IL7: variants seen among roughly 807,000 people sequenced by gnomAD.
The protein encoded by IL7 is interleukin-7.
IL7 carries 3 observed loss-of-function variants against 21.6 expected under a neutral mutation model. The ratio of observed to expected loss-of-function variants is 0.14; its 90% confidence interval spans 0.06 to 0.36. IL7 has a LOEUF of 0.36. Ranked by LOEUF, IL7 falls within the 10% of genes least tolerant of loss-of-function variation. IL7 has a pLI of 1.00. For missense variants in IL7, 175 were observed against 200.2 expected (o/e 0.87, Z 0.76); for synonymous variants, 62 against 68.1 (o/e 0.91, Z 0.44).
intron 2 of IL7, among the ~76,000 whole-genome samples, chr8:78,756,449 G>A (rs940454523): frequency 1.3e-5 from 2 of 151,692 alleles, no homozygotes; most frequent in African/African-American, 4.8e-5. Flanking sequence ...TCTGGTCCTG[G>A]GCTTTTCTTT....
chr8:78,683,122 T>C (rs1220212703), intron 4 of IL7, among the ~76,000 whole-genome samples: 1 of 152,322 alleles, frequency 6.6e-6, no homozygotes, highest in Non-Finnish European at 1.5e-5. Context: ...GCATTGAGTG[T>C]CTGCAACTTT....
intron 2 of IL7, among the ~76,000 whole-genome samples, chr8:78,787,680 A>G (rs578131946): frequency 5.3e-5 from 8 of 152,216 alleles, no homozygotes; most frequent in African/African-American, 1.4e-4. Flanking sequence ...TTTCATAGAG[A>G]CTACCATATT....
chr8:78,797,213 C>G (rs1050995010), intron 2 of IL7, among the ~76,000 whole-genome samples: 1 of 151,848 alleles, frequency 6.6e-6, no homozygotes, highest in African/African-American at 2.4e-5. Context: ...GGCAAAACTA[C>G]AGAGACATAA....
At chr8:78,754,688 G>C (rs1402155697) in intron 2 of IL7, among the ~76,000 whole-genome samples, 1 of 152,010 alleles carries the variant, frequency 6.6e-6, no homozygotes, top group African/African-American at 2.4e-5. Flanking sequence ...TTGTTGTTTT[G>C]TTTTGCTGTT....
At chr8:78,717,966 C>T (rs1408611681) in exon 7 of IL7, 2 of 152,402 alleles carry the variant, frequency 1.3e-5, no homozygotes, top group African/African-American at 4.8e-5. Flanking sequence ...TTAAAGAGAA[C>T]AGTTTTAGTT....
At chr8:78,773,623 T>G (rs1246074587) in intron 2 of IL7, among the ~76,000 whole-genome samples, 1 of 152,142 alleles carries the variant, frequency 6.6e-6, no homozygotes, top group Non-Finnish European at 1.5e-5. Context: ...GAACAGATTT[T>G]CCTTCTCCAA....
At chr8:78,716,201 C>T (rs1811096212), downstream of IL7, among the ~76,000 whole-genome samples, 1 of 151,504 alleles carries the variant, frequency 6.6e-6, no homozygotes, top group Non-Finnish European at 1.5e-5. Flanking sequence ...CGGCTCACTG[C>T]AAGCTGTGCC....
rs187961342 is a variant in IL7, at chr8:78,719,180, T to C, written n.477-70A>G. 214 of 151,920 alleles carry C rather than the reference T, an allele frequency of 1.4e-3. 2 individuals carry two copies. The highest frequency in any genetic ancestry group is 4.9e-3 in the African/African-American group (202 of 41,558). The allele number at this position is 151,920 out of a possible 1,614,324, so 9.4% of individuals were successfully genotyped here. The stretch of plus-strand genomic sequence containing the variant: ...TAAATCACTTCTGTTATAAATCATA[T>C]AAAGAACTTTAAACTTGTTTTATCT... On this transcript the variant is annotated intron_variant and non_coding_transcript_variant, in intron 5 of 6. Transcript: ENST00000519833.
intron 4 of IL7, among the ~76,000 whole-genome samples, chr8:78,684,719 C>T (rs1039335119): frequency 1.3e-5 from 2 of 152,066 alleles, no homozygotes; most frequent in Admixed American, 6.6e-5. Context: ...AGCAAACAGG[C>T]TCTTGAGACA....
At chr8:78,738,268 A>T (rs1032780716) in intron 4 of IL7, among the ~76,000 whole-genome samples, 4 of 152,086 alleles carry the variant, frequency 2.6e-5, no homozygotes, top group African/African-American at 9.7e-5. Flanking sequence ...GGCAATGAAG[A>T]ATTTATTTAT....
intron 4 of IL7, among the ~76,000 whole-genome samples, chr8:78,737,349 T>C (rs973839378): frequency 6.6e-6 from 1 of 152,112 alleles, no homozygotes; most frequent in Non-Finnish European, 1.5e-5. Context: ...CATTAGACAG[T>C]ACTTTGAAAC....
intron 2 of IL7, among the ~76,000 whole-genome samples, chr8:78,767,015 T>A (rs1812775847): frequency 6.6e-6 from 1 of 152,140 alleles, no homozygotes; most frequent in African/African-American, 2.4e-5. Context: ...TACATTTGCA[T>A]TTTTGTAACT....
rs971233338 is a variant in IL7, at chr8:78,703,352, C to G, written n.215-17405G>C. On this transcript the variant is annotated intron_variant and non_coding_transcript_variant, in intron 3 of 4. Transcript: ENST00000523959. Reference sequence around the variant, plus strand: ...TTTGTTAATTATCTGTCTTGATAATCTGTCTAATATTGTCAGTGAGGTGTT... The same window carrying G: ...TTTGTTAATTATCTGTCTTGATAATGTGTCTAATATTGTCAGTGAGGTGTT... Among the ~76,000 whole-genome samples the G allele has an allele frequency of 5.3e-5, 8 of 152,114 alleles. No homozygotes were observed. The South Asian group carries it at 1.7e-3, about 32-fold the overall frequency.
intron 2 of IL7, among the ~76,000 whole-genome samples, chr8:78,762,652 A>AT (rs35466249): frequency 0.14 from 20,141 of 145,982 alleles, 1,427 homozygotes; most frequent in Middle Eastern, 0.25. Flanking sequence ...TTCCCAATGC[A>AT]TTTTTTTTTT....
intron 3 of IL7, among the ~76,000 whole-genome samples, chr8:78,739,703 CAAAGAAAG>C (rs1286977775): frequency 2.0e-5 from 3 of 147,364 alleles, no homozygotes; most frequent in Admixed American, 1.3e-4. Context: ...AAAAAAAAAA[CAAAGAAAG>C]AAAGAAAGAA....
At chr8:78,723,629 G>A (rs3739330) in intron 3 of IL7, among the ~76,000 whole-genome samples, 15,990 of 151,982 alleles carry the variant, frequency 0.11, 1,104 homozygotes, top group Admixed American at 0.15. Context: ...CAAAAATAGC[G>A]TCAGCCTTCT....
chr8:78,764,374 G>T (rs1586082443), intron 2 of IL7, among the ~76,000 whole-genome samples: 1 of 152,038 alleles, frequency 6.6e-6, no homozygotes, highest in South Asian at 2.1e-4. Context: ...TATACAGATT[G>T]GTAAGAACAA....
chr8:78,727,955 G>A (rs1811365316), downstream of IL7, among the ~76,000 whole-genome samples: 1 of 151,824 alleles, frequency 6.6e-6, no homozygotes, highest in South Asian at 2.1e-4. Flanking sequence ...ATACAAAAGT[G>A]AGTCATTCTT....
intron 2 of IL7, among the ~76,000 whole-genome samples, chr8:78,742,549 G>A (rs547238403): frequency 6.6e-6 from 1 of 152,052 alleles, no homozygotes; most frequent in South Asian, 2.1e-4. Flanking sequence ...AACTCTTATA[G>A]TAGAGGAAAA....
Sources: allele counts gnomAD v4.1 joint callset (sites outside exome capture counted in the v4.1 genomes callset), GRCh38; gene constraint gnomAD v4.1.1; transcripts MANE v1.5; gene names NCBI Gene and HGNC (gene_info 2026-07-23, HGNC 2026-07-21).